ABLIM1: variants seen among roughly 807,000 people sequenced by gnomAD.
The protein encoded by ABLIM1 is actin binding LIM protein 1.
A neutral mutation model predicts 107.0 loss-of-function variants in ABLIM1; 40 were observed. The ratio of observed to expected loss-of-function variants is 0.37; its 90% CI spans 0.29 to 0.49. The LOEUF (loss-of-function observed/expected upper bound fraction) is 0.49, where lower values mean the gene tolerates loss of function less well. Ranked by LOEUF, ABLIM1 falls within the 20% of genes least tolerant of loss-of-function variation. The pLI, the probability that ABLIM1 is intolerant of heterozygous loss-of-function variation, is 0.97. For synonymous variants in ABLIM1, 357 were observed against 357.3 expected, an observed-to-expected ratio of 1.00 and a Z score of 0.01; for missense variants, 857 against 1,008.5, an observed-to-expected ratio of 0.85 and a Z score of 2.04.
the ABLIM1 span, among the ~76,000 whole-genome samples, chr10:114,775,425 A>T: frequency 6.6e-6 from 1 of 152,216 alleles, no homozygotes; most frequent in Non-Finnish European, 1.5e-5. Flanking sequence ...ATCATCAAGG[A>T]TTATTCCTCT....
In ABLIM1 at chr10:114,526,655, T is replaced by G. The variant is rs143631198; in HGVS notation, c.894+18350A>C. The G allele has an allele frequency of 4.0e-4, 392 of 985,524 alleles. 1 individual carries two copies. The African/African-American group carries it at 6.6e-3, about 17-fold the overall frequency. The allele number at this position is 985,524 out of a possible 1,614,324, so 61.0% of individuals were successfully genotyped here. A position where few individuals can be genotyped will look rare whatever the true frequency, so the allele number is the denominator to read the frequency against. The stretch of plus-strand genomic sequence containing the variant: ...ATAGGTCACCTTGTGCAATGTCCGC[T>G]TTACCTCAGGCCAGGGTTCCTTTTC... On this transcript the variant is annotated intron_variant, in intron 6 of 22. Transcript: ENST00000533213.
chr10:114,729,626 G>C (rs1168003438), intron 1 of ABLIM1, among the ~76,000 whole-genome samples: 1 of 152,086 alleles, frequency 6.6e-6, no homozygotes. Flanking sequence ...ACAAATCCAA[G>C]GTGTTTCTGA....
chr10:114,518,181 C>G (rs1386478237), intron 6 of ABLIM1, among the ~76,000 whole-genome samples: 1 of 152,004 alleles, frequency 6.6e-6, no homozygotes, highest in Non-Finnish European at 1.5e-5. Flanking sequence ...GAAACAGGAG[C>G]AAAGCAAGAT....
rs141979333 is a variant in ABLIM1, at chr10:114,731,754, C to T, written c.-213+36307G>A. On this transcript the variant is annotated intron_variant, in intron 1 of 15. Coordinates refer to the ABLIM1 transcript ENST00000651092. ...CCTCCCAAGTAGCTAGGATTACAGG[C>T]GGGTGCCACCACACCCAGCTAATTT... Among the ~76,000 whole-genome samples the T allele has an allele frequency of 9.2e-3, 1,393 of 152,066 alleles. 22 individuals carry two copies. Among genetic ancestry groups the T allele is most frequent in the African/African-American group, 0.032 (1,339 of 41,476 alleles).
chr10:114,580,441 G>A (rs950988598), intron 2 of ABLIM1, among the ~76,000 whole-genome samples: 14 of 151,884 alleles, frequency 9.2e-5, no homozygotes, highest in South Asian at 6.2e-4. Context: ...TTGAACTCTC[G>A]GCCTCAAGTG....
intron 2 of ABLIM1, among the ~76,000 whole-genome samples, chr10:114,593,260 T>C (rs747903321): frequency 2.0e-5 from 3 of 152,216 alleles, no homozygotes; most frequent in African/African-American, 4.8e-5. Flanking sequence ...TAAGCATTCA[T>C]AGACATGACC....
intron 4 of ABLIM1, among the ~76,000 whole-genome samples, chr10:114,563,841 G>A (rs1167208662): frequency 3.7e-4 from 33 of 89,604 alleles, no homozygotes; most frequent in African/African-American, 1.2e-3. Context: ...GAGAGGCTCC[G>A]TCTCAAAAAA....
At chr10:114,794,884 C>T in the ABLIM1 span, among the ~76,000 whole-genome samples, 3 of 152,122 alleles carry the variant, frequency 2.0e-5, 1 homozygote, top group South Asian at 4.2e-4. Flanking sequence ...AAGAATCTCC[C>T]TAATGCTGAG....
intron 2 of ABLIM1, among the ~76,000 whole-genome samples, chr10:114,596,645 C>T (rs550399723): frequency 2.0e-5 from 3 of 152,356 alleles, no homozygotes; most frequent in African/African-American, 7.2e-5. Flanking sequence ...TACCTTGTCA[C>T]AGCTAAACCT....
chr10:114,463,361 CAA>C (rs2064365015), intron 12 of ABLIM1, among the ~76,000 whole-genome samples: 1 of 152,060 alleles, frequency 6.6e-6, no homozygotes, highest in Non-Finnish European at 1.5e-5. Context: ...GGAGAGTTTG[CAA>C]AGAGGTTCAG....
At chr10:114,791,784 A>C in the ABLIM1 span, among the ~76,000 whole-genome samples, 2 of 152,204 alleles carry the variant, frequency 1.3e-5, no homozygotes, top group African/African-American at 4.8e-5. Flanking sequence ...TGAAGACCCC[A>C]ATCAGAGAAA....
At chr10:114,693,558 G>A (rs560461243) in intron 1 of ABLIM1, among the ~76,000 whole-genome samples, 19 of 152,282 alleles carry the variant, frequency 1.2e-4, no homozygotes, top group African/African-American at 3.8e-4. Context: ...GCTCTTCCTC[G>A]CACAGCGCAC....
intron 6 of ABLIM1, among the ~76,000 whole-genome samples, chr10:114,540,633 A>G (rs1383606309): frequency 6.6e-6 from 1 of 152,152 alleles, no homozygotes; most frequent in Non-Finnish European, 1.5e-5. Context: ...GGAATGAGTG[A>G]CACAGCCAGA....
Position 114,700,469 on chromosome 10 carries a change from T to A in ABLIM1, c.-213+67592A>T, listed in dbSNP as rs566078318. Reference sequence around the variant, plus strand: ...AATAGACATGAAAATGTAAAGGGCCTAGGATTGCCAAAAACAATTAAAACA... The same window carrying A: ...AATAGACATGAAAATGTAAAGGGCCAAGGATTGCCAAAAACAATTAAAACA... On this transcript the variant is annotated intron_variant, in intron 1 of 15. Coordinates refer to the ABLIM1 transcript ENST00000651092. Among the ~76,000 whole-genome samples, 89 of 150,198 alleles carry A rather than the reference T, an allele frequency of 5.9e-4. 2 individuals carry two copies. The South Asian group carries it at 0.018, about 30-fold the overall frequency.
intron 20 of ABLIM1, chr10:114,439,555 T>A (rs2059908236): frequency 2.2e-6 from 1 of 463,462 alleles, no homozygotes; most frequent in Non-Finnish European, 3.9e-6. Context: ...ATTGTTAGTT[T>A]CTTATCTTTA....
chr10:114,553,396 G>A (rs899557732), intron 4 of ABLIM1, among the ~76,000 whole-genome samples: 2 of 152,200 alleles, frequency 1.3e-5, no homozygotes, highest in African/African-American at 2.4e-5. Context: ...AGGTGAGAAC[G>A]ATGGGGAGAA....
At chr10:114,776,592 A>G in the ABLIM1 span, among the ~76,000 whole-genome samples, 1 of 152,170 alleles carries the variant, frequency 6.6e-6, no homozygotes, top group Admixed American at 6.5e-5. Flanking sequence ...CAGCCTGGGC[A>G]ATAGAGCAAG....
At chr10:114,656,993 T>C (rs1042953606) in intron 1 of ABLIM1, among the ~76,000 whole-genome samples, 2 of 152,190 alleles carry the variant, frequency 1.3e-5, no homozygotes, top group African/African-American at 2.4e-5. Flanking sequence ...TGAAAATATA[T>C]ATGTAACATA....
intron 6 of ABLIM1, among the ~76,000 whole-genome samples, chr10:114,527,565 G>A (rs1420074667): frequency 1.3e-5 from 2 of 152,158 alleles, no homozygotes; most frequent in Non-Finnish European, 2.9e-5. Context: ...CATGTGAACA[G>A]AGAGGAGGAA....
Sources: allele counts gnomAD v4.1 joint callset (sites outside exome capture counted in the v4.1 genomes callset), GRCh38; gene constraint gnomAD v4.1.1; transcripts MANE v1.5; gene names NCBI Gene and HGNC (gene_info 2026-07-23, HGNC 2026-07-21).